NEBL: variants seen among roughly 807,000 people sequenced by gnomAD.
NEBL encodes the protein LIM and SH3 protein 2.
Under a neutral mutation model 140.2 loss-of-function variants are expected in NEBL, and 122 were observed. That is an observed-to-expected ratio of 0.87 (90% CI 0.75 to 1.01). NEBL has a LOEUF of 1.01. NEBL is among the 50% of genes least tolerant of loss of function. The probability of loss-of-function intolerance (pLI) is 0.00; values close to 1 mark genes in which losing one functional copy is unlikely to be tolerated. For missense variants in NEBL, 1,365 were observed against 1,231.3 expected (o/e 1.11, Z -1.62); for synonymous variants, 436 against 398.9 (o/e 1.09, Z -1.11).
intron 24 of NEBL, 66 bp downstream of exon 24, chr10:20,812,703 T>C (rs1432845974): frequency 1.9e-6 from 3 of 1,590,984 alleles, no homozygotes; most frequent in Non-Finnish European, 1.7e-6. Context: ...AGAGGGTAAT[T>C]CTGAAGCTAG....
At position 21,231,719 on chromosome 10, in the gene NEBL, G is replaced by A. The variant is rs146376073; in HGVS notation, n.348+16202C>T. Reference sequence around the variant, plus strand: ...AGCCAAATAAGGCAGTCAAAGCCCCGAGGCAAAACGAATTTGCCAAGTTCA... The same window carrying A: ...AGCCAAATAAGGCAGTCAAAGCCCCAAGGCAAAACGAATTTGCCAAGTTCA... On this transcript the variant is annotated intron_variant and non_coding_transcript_variant, in intron 3 of 8. Transcript: ENST00000675702. 2.6e-3 allele frequency among the ~76,000 whole-genome samples: 389 copies of A among 152,182 alleles called. 2 individuals carry two copies. Among genetic ancestry groups the A allele is most frequent in the African/African-American group, 8.5e-3 (351 of 41,510 alleles).
intron 11 of NEBL, among the ~76,000 whole-genome samples, chr10:20,849,438 TG>T (rs1398137965): frequency 6.6e-6 from 1 of 152,220 alleles, no homozygotes; most frequent in Admixed American, 6.5e-5. Context: ...GCAACACTGT[TG>T]GGGGGTGGGA....
intron 3 of NEBL, among the ~76,000 whole-genome samples, chr10:21,189,319 A>G (rs1841532731): frequency 6.6e-6 from 1 of 152,160 alleles, no homozygotes; most frequent in East Asian, 1.9e-4. Context: ...TGATGCAACC[A>G]CAAGCCAAGG....
chr10:20,797,397 G>A (rs1019207910), intron 26 of NEBL, among the ~76,000 whole-genome samples: 3 of 152,108 alleles, frequency 2.0e-5, no homozygotes, highest in Admixed American at 2.0e-4. Context: ...TCCATAAGGA[G>A]TTCTGATACG....
At chr10:20,851,772 G>A (rs1326279091) in intron 10 of NEBL, among the ~76,000 whole-genome samples, 4 of 152,106 alleles carry the variant, frequency 2.6e-5, no homozygotes, top group South Asian at 2.1e-4. Flanking sequence ...GTGACAGTGC[G>A]AGACTCCATC....
intron 4 of NEBL, among the ~76,000 whole-genome samples, chr10:20,907,300 A>G (rs915008935): frequency 6.6e-6 from 1 of 152,116 alleles, no homozygotes. Flanking sequence ...TTTATTATAA[A>G]TAATGAATTA....
intron 11 of NEBL, among the ~76,000 whole-genome samples, chr10:20,849,017 G>A (rs773199882): frequency 6.6e-6 from 1 of 152,116 alleles, no homozygotes; most frequent in Non-Finnish European, 1.5e-5. Flanking sequence ...CTGTTTTGAT[G>A]TTGTTATTGG....
At chr10:21,191,592 G>T (rs1841574736) in intron 3 of NEBL, among the ~76,000 whole-genome samples, 1 of 152,168 alleles carries the variant, frequency 6.6e-6, no homozygotes, top group South Asian at 2.1e-4. Flanking sequence ...TTGTTACTTT[G>T]CTAGGCCTAT....
intron 2 of NEBL, among the ~76,000 whole-genome samples, chr10:21,103,971 T>G (rs1226497483): frequency 6.6e-6 from 1 of 152,240 alleles, no homozygotes; most frequent in African/African-American, 2.4e-5. Context: ...CCATGAGCTG[T>G]GAGGTAAGTG....
At chr10:20,939,892 A>G (rs1834749833) in intron 4 of NEBL, among the ~76,000 whole-genome samples, 1 of 152,204 alleles carries the variant, frequency 6.6e-6, no homozygotes. Flanking sequence ...TAACTATCCT[A>G]CATATATATG....
rs769903078 is a variant in NEBL, at chr10:21,173,259, G to A, written c.69+506C>T. 3.9e-5 allele frequency among the ~76,000 whole-genome samples: 6 copies of A among 152,334 alleles called. No individual in the cohort carries two copies. Among genetic ancestry groups the A allele is most frequent in the Admixed American group, 2.0e-4 (3 of 15,310 alleles). ...CGCTGAGCCGGAGCTCTCCAGCAGG[G>A]ATTATTCTTAGCAATGCGGCAGCGG... is the stretch of plus-strand genomic sequence containing the variant. On this transcript the variant is annotated intron_variant, in intron 1 of 6. Coordinates refer to the NEBL transcript ENST00000417816. The surrounding 1 kb of genome is among the most constrained non-coding windows in gnomAD (Gnocchi z 5.7).
At chr10:21,046,435 A>G (rs537484740) in intron 2 of NEBL, among the ~76,000 whole-genome samples, 2 of 152,348 alleles carry the variant, frequency 1.3e-5, no homozygotes, top group East Asian at 3.9e-4. Context: ...TAGTGTACAC[A>G]TGTATCAAAA....
At chr10:20,878,614 C>T (rs1588916585) in intron 5 of NEBL, among the ~76,000 whole-genome samples, 1 of 152,296 alleles carries the variant, frequency 6.6e-6, no homozygotes, top group African/African-American at 2.4e-5. Flanking sequence ...TTCTAAGTGG[C>T]TTGACTCCAG....
At chr10:21,131,097 G>C (rs1056078650) in intron 2 of NEBL, among the ~76,000 whole-genome samples, 6 of 152,056 alleles carry the variant, frequency 3.9e-5, no homozygotes, top group African/African-American at 1.4e-4. Flanking sequence ...GATAATAAAA[G>C]AATACTACAA....
chr10:21,060,645 C>T (rs1043928758), intron 2 of NEBL, among the ~76,000 whole-genome samples: 2 of 151,970 alleles, frequency 1.3e-5, no homozygotes, highest in South Asian at 2.1e-4. Context: ...TGCCACCTCC[C>T]ATTTTTCTCT....
rs1245814874 is a variant in NEBL at position 20,783,798 on chromosome 10, G to A, written c.*1949C>T. 1.3e-5 allele frequency: 2 copies of A among 152,464 alleles called. No homozygotes were observed. The highest frequency in any genetic ancestry group is 2.9e-5 in the Non-Finnish European group (2 of 68,002). The allele number at this position is 152,464 out of a possible 1,614,324, so 9.4% of individuals were successfully genotyped here. ...GTTCAGTTTATTTTTGTAGGTTTGT[G>A]TACAATATACCAAAACAGATATGGG... On this transcript the variant is annotated 3_prime_UTR_variant, in exon 28 of 28. Coordinates refer to ENST00000377122, the MANE Select transcript of NEBL (RefSeq NM_006393.3).
At chr10:20,828,272 G>A (rs572336700) in intron 17 of NEBL, among the ~76,000 whole-genome samples, 1 of 151,956 alleles carries the variant, frequency 6.6e-6, no homozygotes, top group Admixed American at 6.6e-5. Flanking sequence ...TCTTTCCTGA[G>A]TTAAATTTTA....
rs559913375 is a variant in NEBL at position 20,961,018 on chromosome 10, A to C, written c.357+654T>G. 1.4e-3 allele frequency among the ~76,000 whole-genome samples: 206 copies of C among 152,316 alleles called. 2 individuals are homozygous for C. Among genetic ancestry groups the C allele is most frequent in the Non-Finnish European group, 2.1e-4 (14 of 68,008 alleles). ...TTTGTGAAGAAAAATACATCCTGAC[A>C]CACTTCATGTAATATTTTGGAAGAA... On this transcript the variant is annotated intron_variant, in intron 4 of 6. Coordinates refer to the NEBL transcript ENST00000417816.
chr10:21,141,013 C>G (rs1839605122), intron 2 of NEBL, among the ~76,000 whole-genome samples: 1 of 144,700 alleles, frequency 6.9e-6, no homozygotes, highest in Non-Finnish European at 1.5e-5. Flanking sequence ...AACCCTGAAT[C>G]TAATCATGAG....
Sources: allele counts gnomAD v4.1 joint callset (sites outside exome capture counted in the v4.1 genomes callset), GRCh38; gene constraint gnomAD v4.1.1; non-coding constraint Gnocchi (gnomAD v3.1); transcripts MANE v1.5; gene names NCBI Gene and HGNC (gene_info 2026-07-23, HGNC 2026-07-21).